MICAL3: variants seen among roughly 807,000 people sequenced by gnomAD.
MICAL3 encodes [F-actin]-monooxygenase MICAL3.
A neutral mutation model predicts 207.4 loss-of-function variants in MICAL3; 62 were observed. That is an observed-to-expected ratio of 0.30 (90% confidence interval 0.24 to 0.37). The LOEUF is 0.37. Among genes scored for constraint, MICAL3 ranks in the 10% least tolerant of loss-of-function variants. MICAL3 has a pLI of 1.00. For missense variants in MICAL3, 2,368 were observed against 2,635.6 expected (o/e 0.90, Z 2.22); for synonymous variants, 1,077 against 1,069.3 (o/e 1.01, Z -0.14).
At chr22:17,885,175 G>C (rs1223604143) in intron 16 of MICAL3, among the ~76,000 whole-genome samples, 1 of 152,158 alleles carries the variant, frequency 6.6e-6, no homozygotes, top group Non-Finnish European at 1.5e-5. Flanking sequence ...ATGGCATGTG[G>C]GAGTGCTGCT....
intron 8 of MICAL3, 104 bp from the exon 9 acceptor site, chr22:17,896,465 C>A: frequency 2.5e-6 from 2 of 799,100 alleles, no homozygotes. Flanking sequence ...TAGTGTTTGG[C>A]AACTGTTTCA....
In MICAL3 at chr22:17,802,107, G is replaced by T. The variant is rs559611252; in HGVS notation, c.5650+6737C>A. 6.0e-5 allele frequency among the ~76,000 whole-genome samples: 9 copies of T among 149,980 alleles called. No homozygotes were observed. The East Asian group carries it at 1.8e-3, about 29-fold the overall frequency. On this transcript the variant is annotated intron_variant, in intron 29 of 31. Coordinates refer to ENST00000441493, the MANE Select transcript of MICAL3 (RefSeq NM_015241.3). ...AGACAGGGTTTTGCTTTGTTGCCCAGACTGGAGTGCAGTGCTGCGATCACA... is the reference window on the plus strand; with the variant it reads ...AGACAGGGTTTTGCTTTGTTGCCCATACTGGAGTGCAGTGCTGCGATCACA...
chr22:17,937,096 C>A (rs899713028), intron 1 of MICAL3, among the ~76,000 whole-genome samples: 2 of 152,196 alleles, frequency 1.3e-5, no homozygotes, highest in Non-Finnish European at 2.9e-5. Context: ...CTCTTCTTGA[C>A]AGATACAGAA....
chr22:17,853,778 G>A (rs919972119), intron 19 of MICAL3, among the ~76,000 whole-genome samples: 6 of 152,186 alleles, frequency 3.9e-5, no homozygotes, highest in African/African-American at 1.4e-4. Context: ...TCTGAGGCTG[G>A]GGCCACCACC....
chr22:17,916,078 A>C (rs1300341949), intron 1 of MICAL3, among the ~76,000 whole-genome samples: 1 of 148,480 alleles, frequency 6.7e-6, no homozygotes, highest in African/African-American at 2.6e-5. Flanking sequence ...AAAAAAAAAA[A>C]AACCCAAAAA....
At chr22:17,967,463 AACACAC>A (rs71184751) in intron 1 of MICAL3, among the ~76,000 whole-genome samples, 238 of 126,134 alleles carry the variant, frequency 1.9e-3, no homozygotes, top group African/African-American at 6.6e-3. Context: ...TGTACATGCA[AACACAC>A]ACACACACAC....
In MICAL3 at chr22:17,816,789, G is replaced by A. The variant is rs1479748999; in HGVS notation, c.5351-5C>T. On this transcript the variant is annotated splice_polypyrimidine_tract_variant and splice_region_variant and intron_variant, in intron 26 of 31. Coordinates refer to ENST00000441493, the MANE Select transcript of MICAL3 (RefSeq NM_015241.3). ...GCTGGCGCCGGAGCTGCAGCTCTGT[G>A]GAGAGAGGGAGGCCACGTGAGGACA... 6.5e-7 allele frequency: 1 copy of A among 1,548,180 alleles called. No individual in the cohort carries two copies. The highest frequency in any genetic ancestry group is 2.4e-5 in the East Asian group (1 of 40,916).
At chr22:17,942,503 T>C (rs1005724639) in intron 1 of MICAL3, among the ~76,000 whole-genome samples, 3 of 152,196 alleles carry the variant, frequency 2.0e-5, no homozygotes, top group Non-Finnish European at 4.4e-5. Flanking sequence ...TGCAGATCCA[T>C]GGGCATGAAG....
intron 20 of MICAL3, among the ~76,000 whole-genome samples, chr22:17,838,769 A>G (rs527795939): frequency 4.0e-4 from 61 of 152,268 alleles, no homozygotes; most frequent in African/African-American, 1.4e-3. Flanking sequence ...TTAATGCCTT[A>G]AAATGATGCC....
chr22:17,961,430 A>C (rs1934908803), intron 1 of MICAL3, among the ~76,000 whole-genome samples: 1 of 152,084 alleles, frequency 6.6e-6, no homozygotes, highest in African/African-American at 2.4e-5. Flanking sequence ...CACCTAGTGG[A>C]GGCCCCTTCC....
intron 27 of MICAL3, chr22:17,812,431 G>T: frequency 1.3e-6 from 1 of 766,778 alleles, no homozygotes; most frequent in South Asian, 5.9e-5. Context: ...TGTGGCTGGA[G>T]GGCCGGGGCC....
At chr22:17,914,326 TAAAC>T (rs1369614270) in intron 1 of MICAL3, among the ~76,000 whole-genome samples, 1 of 152,128 alleles carries the variant, frequency 6.6e-6, no homozygotes, top group East Asian at 1.9e-4. Context: ...ACTGTAGTGT[TAAAC>T]AAGACAGATA....
intron 1 of MICAL3, among the ~76,000 whole-genome samples, chr22:17,975,786 T>A (rs184051035): frequency 6.6e-6 from 1 of 152,218 alleles, no homozygotes; most frequent in African/African-American, 2.4e-5. Context: ...GACACAGGAT[T>A]TGCTATTAAA....
chr22:17,873,840 C>T (rs771530494), intron 16 of MICAL3, among the ~76,000 whole-genome samples: 24 of 152,252 alleles, frequency 1.6e-4, no homozygotes, highest in Non-Finnish European at 2.9e-4. Flanking sequence ...ACGATCAAAT[C>T]ACCCTTCCAT....
intron 1 of MICAL3, among the ~76,000 whole-genome samples, chr22:17,999,661 G>A (rs1242990978): frequency 6.6e-6 from 1 of 152,200 alleles, no homozygotes; most frequent in Non-Finnish European, 1.5e-5. Flanking sequence ...CCAGGTGGGG[G>A]TTTGGGGGGA....
rs188030512 is a variant in MICAL3, at chr22:17,945,652, C to T, written c.-74-38766G>A. Among the ~76,000 whole-genome samples, 49 of 152,212 alleles carry T rather than the reference C, an allele frequency of 3.2e-4. No homozygotes were observed. The East Asian group carries it at 7.7e-3, about 24-fold the overall frequency. ...GAGGGGAGGGGCTCAGTAAAGGCAGCGGGCCCCTCTCCACACAGCCCCCAT... is the reference window on the plus strand; with the variant it reads ...GAGGGGAGGGGCTCAGTAAAGGCAGTGGGCCCCTCTCCACACAGCCCCCAT... On this transcript the variant is annotated intron_variant, in intron 1 of 31. Transcript: ENST00000441493.
intron 17 of MICAL3, among the ~76,000 whole-genome samples, chr22:17,866,656 A>AATAGAATAGAATAGAATAGAAT (rs1927177088): frequency 6.6e-6 from 1 of 150,920 alleles, no homozygotes; most frequent in Non-Finnish European, 1.5e-5. Context: ...AATAGAATAG[A>AATAGAATAGAATAGAATAGAAT]ATAGAATAGA....
intron 13 of MICAL3, 49 bp downstream of exon 13, chr22:17,888,985 C>T: frequency 7.3e-7 from 1 of 1,377,480 alleles, no homozygotes; most frequent in Non-Finnish European, 1.0e-6. Context: ...AACAGCCGGG[C>T]CACAGCACAG....
chr22:17,950,224 C>CAA, intron 1 of MICAL3, among the ~76,000 whole-genome samples: 1 of 150,918 alleles, frequency 6.6e-6, no homozygotes, highest in East Asian at 1.9e-4. Flanking sequence ...TGCAGTGGCG[C>CAA]TATCTTGGCT....
Sources: gnomAD v4.1 joint callset for allele counts (sites outside exome capture counted in the v4.1 genomes callset) on GRCh38, gnomAD v4.1.1 for gene constraint, MANE v1.5 for transcripts, NCBI Gene and HGNC (gene_info 2026-07-23, HGNC 2026-07-21) for gene names.